CHAMP1: variants seen among roughly 807,000 people sequenced by gnomAD.
CHAMP1 encodes chromosome alignment-maintaining phosphoprotein 1.
Under a neutral mutation model 54.5 loss-of-function variants are expected in CHAMP1, and 4 were observed. That is an observed-to-expected ratio of 0.07 (90% CI 0.04 to 0.17). The LOEUF is 0.17. CHAMP1 is among the 10% of genes least tolerant of loss of function. The pLI is 1.00. For missense variants in CHAMP1, 994 were observed against 968.6 expected (o/e 1.03, Z -0.35); for synonymous variants, 368 against 342.2 (o/e 1.08, Z -0.83).
In CHAMP1 at chr13:114,326,330, C is replaced by T. The variant is rs1555380026; in HGVS notation, c.*49C>T. On this transcript the variant is annotated 3_prime_UTR_variant, in exon 3 of 3. Transcript: ENST00000361283. ...TACAAAGGTGTTTGTTGGAACCATT[C>T]TTTGTAAGTATAGCTTATCAGATAG... 3.3e-6 allele frequency: 5 copies of T among 1,517,406 alleles called. No individual in the cohort carries two copies. The highest frequency in any genetic ancestry group is 4.4e-6 in the Non-Finnish European group (5 of 1,135,430). 94.0% of individuals were successfully genotyped at this position (1,517,406 alleles called of 1,614,324 possible).
In CHAMP1 at chr13:114,325,780, T is replaced by C. The variant is rs1555379909; in HGVS notation, c.1938T>C (p.Ile646=). The C allele has an allele frequency of 7.4e-6, 12 of 1,614,100 alleles. No homozygotes were observed. Among genetic ancestry groups the C allele is most frequent in the East Asian group, 2.2e-5 (1 of 44,880 alleles). The change falls in exon 3 of 3, where the codon ATT becomes ATC. Residue 646 remains isoleucine, a synonymous_variant. Transcript: ENST00000361283. ...AAACAGATTTGGATGCGATGGATAT[T>C]AAGGGCCAGGAATCAAGCAGTGATC... ...YIKTDLDAMD[I]KGQESSSDQE...
At chr13:114,317,655 G>A (rs950096546) in intron 1 of CHAMP1, among the ~76,000 whole-genome samples, 2 of 152,108 alleles carry the variant, frequency 1.3e-5, no homozygotes, top group African/African-American at 2.4e-5. Context: ...CTAAGATAAA[G>A]AACAATGCTA....
intron 1 of CHAMP1, among the ~76,000 whole-genome samples, chr13:114,320,897 AGT>A (rs1312822009): frequency 2.0e-5 from 3 of 151,494 alleles, no homozygotes; most frequent in Admixed American, 6.6e-5. Flanking sequence ...CGGAGCTTGC[AGT>A]GAGCCGAGAT....
chr13:114,320,812 C>T (rs1384798357), intron 1 of CHAMP1, among the ~76,000 whole-genome samples: 7 of 151,856 alleles, frequency 4.6e-5, no homozygotes, highest in Non-Finnish European at 7.4e-5. Flanking sequence ...AAAAACTAGC[C>T]GGGCGTGGTG....
At chr13:114,318,857 C>CTTTTTTTTTTT (rs56669844) in intron 1 of CHAMP1, among the ~76,000 whole-genome samples, 23 of 24,196 alleles carry the variant, frequency 9.5e-4, no homozygotes, top group Non-Finnish European at 1.4e-3. Flanking sequence ...TCCTGGTTGC[C>CTTTTTTTTTTT]TTTTTTTTTT....
At chr13:114,321,466 G>A (rs1056631178) in intron 2 of CHAMP1, among the ~76,000 whole-genome samples, 17 of 152,182 alleles carry the variant, frequency 1.1e-4, no homozygotes, top group African/African-American at 2.4e-5. Context: ...AGCGGGAAGA[G>A]GAGGGATGGC....
rs782283006 is a variant in CHAMP1 at position 114,325,108 on chromosome 13, C to T, written c.1266C>T (p.Pro422=). ...VPPVSPELRK[P]GPPLSPEIRS... is the part of the protein sequence containing the mutation. Reference sequence around the variant, plus strand: ...CAGTGTCTCCAGAGCTTCGCAAACCCGGCCCACCACTATCCCCAGAGATCC... The same window carrying T: ...CAGTGTCTCCAGAGCTTCGCAAACCTGGCCCACCACTATCCCCAGAGATCC... The change falls in exon 3 of 3, where the codon CCC becomes CCT. Residue 422 remains proline (P), a synonymous_variant. Coordinates refer to ENST00000361283, the MANE Select transcript of CHAMP1 (RefSeq NM_032436.4). 24 of 1,614,016 alleles carry T rather than the reference C, an allele frequency of 1.5e-5. No homozygotes were observed. The highest frequency in any genetic ancestry group is 1.6e-4 in the Middle Eastern group (1 of 6,084).
intron 1 of CHAMP1, among the ~76,000 whole-genome samples, chr13:114,317,126 T>G (rs1423809405): frequency 2.6e-5 from 4 of 152,080 alleles, no homozygotes. Context: ...CAAGCGATTC[T>G]CCTGCCTCAG....
Position 114,326,248 on chromosome 13 carries a change from T to G in CHAMP1, c.2406T>G (p.Ala802=). 6.3e-7 allele frequency: 1 copy of G among 1,581,980 alleles called. No homozygotes were observed. The highest frequency in any genetic ancestry group is 8.6e-7 in the Non-Finnish European group (1 of 1,164,640). ...NEEANKKLME[A]LEPPLEEQQI is the part of the protein sequence containing the mutation. ...AGGCAAATAAAAAGCTAATGGAAGC[T>G]CTTGAACCGCCACTGGAGGAGCAGC... is the stretch of plus-strand genomic sequence containing the variant. Residue 802 remains alanine (A), a synonymous_variant, in exon 3 of 3, where the codon GCT becomes GCG. Coordinates refer to ENST00000361283, the MANE Select transcript of CHAMP1 (RefSeq NM_032436.4).
In CHAMP1 at chr13:114,325,118, C is replaced by T. The variant is rs1313555784; in HGVS notation, c.1276C>T (p.Leu426=). Residue 426 remains leucine, a synonymous_variant, in exon 3 of 3, where the codon CTA becomes TTA. Coordinates refer to ENST00000361283, the MANE Select transcript of CHAMP1 (RefSeq NM_032436.4). ...AGAGCTTCGCAAACCCGGCCCACCA[C>T]TATCCCCAGAGATCCGTAGTCCAGC... is the stretch of plus-strand genomic sequence containing the variant. ...SPELRKPGPP[L]SPEIRSPAGS... is the part of the protein sequence containing the mutation. 5.6e-6 allele frequency: 9 copies of T among 1,614,070 alleles called. No individual in the cohort carries two copies. The highest frequency in any genetic ancestry group is 6.8e-6 in the Non-Finnish European group (8 of 1,180,044).
rs1450444133 is a variant in CHAMP1 at position 114,326,343 on chromosome 13, G to C, written c.*62G>C. The C allele has an allele frequency of 6.7e-7, 1 of 1,499,064 alleles. No homozygotes were observed. Among genetic ancestry groups the C allele is most frequent in the Admixed American group, 2.4e-5 (1 of 42,524 alleles). 92.9% of individuals were successfully genotyped at this position (1,499,064 alleles called of 1,614,324 possible). On this transcript the variant is annotated 3_prime_UTR_variant, in exon 3 of 3. Transcript: ENST00000361283. Reference sequence around the variant, plus strand: ...GTTGGAACCATTCTTTGTAAGTATAGCTTATCAGATAGCATAGTTGGATCA... The same window carrying C: ...GTTGGAACCATTCTTTGTAAGTATACCTTATCAGATAGCATAGTTGGATCA...
At chr13:114,316,598 AT>A (rs753714417) in intron 1 of CHAMP1, among the ~76,000 whole-genome samples, 61 of 152,130 alleles carry the variant, frequency 4.0e-4, no homozygotes, top group Middle Eastern at 3.4e-3. Flanking sequence ...TCAAAAAAAA[AT>A]AAATAAATAA....
At chr13:114,315,332 T>G (rs533753568) in intron 1 of CHAMP1, among the ~76,000 whole-genome samples, 2 of 151,974 alleles carry the variant, frequency 1.3e-5, no homozygotes, top group East Asian at 3.9e-4. Flanking sequence ...GAAAGTAGGG[T>G]GGTGCAGCAG....
chr13:114,325,086 T>C lies in CHAMP1; in HGVS notation c.1244T>C (p.Val415Ala), dbSNP rs781895659. ...GAACATTGGAAGGCAGTTCCCCCAGTGTCTCCAGAGCTTCGCAAACCCGGC... is the reference window on the plus strand; with the variant it reads ...GAACATTGGAAGGCAGTTCCCCCAGCGTCTCCAGAGCTTCGCAAACCCGGC... The part of the protein sequence containing the change: ...SPEHWKAVPP[V>A]SPELRKPGPP... Residue 415 changes from valine (V) to alanine (A), a missense_variant, in exon 3 of 3, where the codon GTG becomes GCG. By Grantham distance (64) the Val-to-Ala change is moderately conservative (BLOSUM62 0). Transcript: ENST00000361283. The C allele has an allele frequency of 1.2e-6, 2 of 1,613,942 alleles. No individual in the cohort carries two copies. Among genetic ancestry groups the C allele is most frequent in the African/African-American group, 1.3e-5 (1 of 74,874 alleles).
At position 114,317,179 on chromosome 13, in the gene CHAMP1, A is replaced by T. The variant is rs963689825; in HGVS notation, c.-179+2536A>T. ...ATTATAGGTATGCACCACCACGCCC[A>T]GCTAATTTTTGTATTTTTAGTAGAG... On this transcript the variant is annotated intron_variant, in intron 1 of 2. Coordinates refer to ENST00000361283, the MANE Select transcript of CHAMP1 (RefSeq NM_032436.4). Among the ~76,000 whole-genome samples, 3 of 152,040 alleles carry T rather than the reference A, an allele frequency of 2.0e-5. No homozygotes were observed. In the East Asian group the frequency reaches 5.9e-4, roughly 30 times the overall value.
chr13:114,322,643 G>A (rs1555379226), intron 2 of CHAMP1: 1 of 152,168 alleles, frequency 6.6e-6, no homozygotes, highest in African/African-American at 2.4e-5. Context: ...GTAATCCATT[G>A]CTAGGAATTT....
At chr13:114,315,823 A>T (rs1452661463) in intron 1 of CHAMP1, among the ~76,000 whole-genome samples, 1 of 150,140 alleles carries the variant, frequency 6.7e-6, no homozygotes, top group East Asian at 2.0e-4. Flanking sequence ...AAATGATTAA[A>T]TGGCAAGTTT....
rs1555379718 is a variant in CHAMP1 at position 114,325,139 on chromosome 13, C to A, written c.1297C>A (p.Pro433Thr). The change falls in exon 3 of 3, where the codon CCA becomes ACA. Residue 433 changes from proline to threonine, a missense_variant. Around this residue, in one of 3 missense-constraint regions of CHAMP1, gnomAD observed 851 missense variants for 701.3 expected, o/e 1.21. Coordinates refer to ENST00000361283, the MANE Select transcript of CHAMP1 (RefSeq NM_032436.4). ...GPPLSPEIRS[P>T]AGSPELRKPS... Reference sequence around the variant, plus strand: ...ACCACTATCCCCAGAGATCCGTAGTCCAGCAGGATCTCCAGAGCTCAGAAA... The same window carrying A: ...ACCACTATCCCCAGAGATCCGTAGTACAGCAGGATCTCCAGAGCTCAGAAA... The A allele has an allele frequency of 6.2e-7, 1 of 1,614,170 alleles. No individual in the cohort carries two copies. Among genetic ancestry groups the A allele is most frequent in the South Asian group, 1.1e-5 (1 of 91,084 alleles).
At chr13:114,322,991 T>G (rs2087192972) in intron 2 of CHAMP1, 1 of 152,224 alleles carries the variant, frequency 6.6e-6, no homozygotes, top group Non-Finnish European at 1.5e-5. Context: ...GTGTTCCAGC[T>G]GCTGGGGTGT....
Sources: gnomAD v4.1 joint callset for allele counts (sites outside exome capture counted in the v4.1 genomes callset) on GRCh38, gnomAD v4.1.1 for gene constraint, gnomAD v4.1.1 regional missense constraint, MANE v1.5 for transcripts, NCBI Gene and HGNC (gene_info 2026-07-23, HGNC 2026-07-21) for gene names.